FUT9: variants seen among roughly 807,000 people sequenced by gnomAD.
FUT9 encodes fucosyltransferase 9.
FUT9 carries 15 observed loss-of-function variants against 29.7 expected under a neutral mutation model. The observed-to-expected ratio is 0.51, with a 90% CI of 0.34 to 0.78. FUT9 has a LOEUF of 0.78. Ranked by LOEUF, FUT9 falls within the 30% of genes least tolerant of loss-of-function variation. The probability of loss-of-function intolerance (pLI) is 0.01; values close to 1 mark genes in which losing one functional copy is unlikely to be tolerated. For synonymous variants in FUT9, 169 were observed against 153.7 expected, an observed-to-expected ratio of 1.10 and a Z score of -0.74; for missense variants, 319 against 425.4, an observed-to-expected ratio of 0.75 and a Z score of 2.20.
chr6:96,204,202 T>G lies in FUT9; in HGVS notation c.1047T>G (p.Ser349=). The part of the protein sequence containing the change: ...DHVKRHQEYK[S]VGNLEKWFWN ...TGAAAAGGCATCAAGAATATAAGTC[T>G]GTTGGTAATTTAGAGAAATGGTTTT... is the stretch of plus-strand genomic sequence containing the variant. The change falls in exon 3 of 3, where the codon TCT becomes TCG. Residue 349 remains serine, a synonymous_variant. Coordinates refer to ENST00000302103, the MANE Select transcript of FUT9 (RefSeq NM_006581.4). 6.9e-7 allele frequency: 1 copy of G among 1,447,378 alleles called. No homozygotes were observed. The highest frequency in any genetic ancestry group is 9.1e-7 in the Non-Finnish European group (1 of 1,096,730). 89.7% of individuals were successfully genotyped at this position (1,447,378 alleles called of 1,614,324 possible).
intron 1 of FUT9, among the ~76,000 whole-genome samples, chr6:96,099,677 G>A (rs762865987): frequency 6.6e-5 from 10 of 152,014 alleles, no homozygotes; most frequent in Admixed American, 1.3e-4. Context: ...ATTTATTAGT[G>A]TATTTAGAAT....
At chr6:96,083,978 C>A (rs1771278775) in intron 1 of FUT9, among the ~76,000 whole-genome samples, 1 of 152,004 alleles carries the variant, frequency 6.6e-6, no homozygotes, top group Admixed American at 6.6e-5. Context: ...AGAAAACATT[C>A]CTTCTCACAT....
At chr6:96,187,796 T>TCTTTCTTA (rs1218175137) in intron 2 of FUT9, among the ~76,000 whole-genome samples, 1 of 152,152 alleles carries the variant, frequency 6.6e-6, no homozygotes, top group African/African-American at 2.4e-5. Context: ...TTACTTACAT[T>TCTTTCTTA]CTTTCTTATC....
At chr6:96,128,430 T>A (rs1772172083) in intron 2 of FUT9, among the ~76,000 whole-genome samples, 1 of 152,220 alleles carries the variant, frequency 6.6e-6, no homozygotes, top group Non-Finnish European at 1.5e-5. Context: ...TTTTGTGGTC[T>A]AATGGGACAC....
intron 2 of FUT9, among the ~76,000 whole-genome samples, chr6:96,146,934 C>T (rs1772578643): frequency 6.6e-6 from 1 of 152,144 alleles, no homozygotes; most frequent in Admixed American, 6.5e-5. Context: ...ATCAAGCTTG[C>T]TTTAGCTCCT....
intron 2 of FUT9, among the ~76,000 whole-genome samples, chr6:96,168,936 T>G (rs553774560): frequency 6.6e-6 from 1 of 152,218 alleles, no homozygotes; most frequent in East Asian, 1.9e-4. Flanking sequence ...TTATCCTACC[T>G]ATCGCAACAG....
At chr6:96,109,123 C>G (rs1771750021) in intron 1 of FUT9, among the ~76,000 whole-genome samples, 1 of 152,196 alleles carries the variant, frequency 6.6e-6, no homozygotes, top group African/African-American at 2.4e-5. Flanking sequence ...TTATCATAAA[C>G]AGCACATAGT....
At chr6:96,069,957 T>TA (rs1184116591) in intron 1 of FUT9, among the ~76,000 whole-genome samples, 4 of 151,096 alleles carry the variant, frequency 2.6e-5, no homozygotes, top group African/African-American at 2.4e-5. Flanking sequence ...AAAACACAGC[T>TA]AAAAAAACAC....
intron 2 of FUT9, among the ~76,000 whole-genome samples, chr6:96,196,691 A>T (rs1036420208): frequency 5.3e-5 from 8 of 152,134 alleles, no homozygotes; most frequent in African/African-American, 1.9e-4. Context: ...CGGCCTGGTG[A>T]CAGAGTGAGA....
chr6:96,131,800 A>G (rs1772249979), intron 2 of FUT9, among the ~76,000 whole-genome samples: 1 of 152,102 alleles, frequency 6.6e-6, no homozygotes, highest in African/African-American at 2.4e-5. Context: ...TATACAACAA[A>G]TTTATTGCCT....
At chr6:96,192,934 C>G (rs1356041138) in intron 2 of FUT9, among the ~76,000 whole-genome samples, 4 of 151,730 alleles carry the variant, frequency 2.6e-5, no homozygotes, top group African/African-American at 4.8e-5. Flanking sequence ...ACAAACCTGA[C>G]AAAAACAAGC....
At chr6:96,179,568 A>G (rs1345116362) in intron 2 of FUT9, among the ~76,000 whole-genome samples, 1 of 152,202 alleles carries the variant, frequency 6.6e-6, no homozygotes, top group Non-Finnish European at 1.5e-5. Context: ...TAAGAGGGAT[A>G]CTATTCAAAA....
chr6:96,101,114 A>G (rs1218960718), intron 1 of FUT9, among the ~76,000 whole-genome samples: 2 of 152,232 alleles, frequency 1.3e-5, no homozygotes, highest in Non-Finnish European at 2.9e-5. Flanking sequence ...TCTGCAAAGA[A>G]TTCTAAATTT....
chr6:96,090,729 T>G (rs1443066627), intron 1 of FUT9, among the ~76,000 whole-genome samples: 1 of 151,722 alleles, frequency 6.6e-6, no homozygotes, highest in Non-Finnish European at 1.5e-5. Flanking sequence ...AATAGACAAT[T>G]ATTAAAAAAA....
intron 1 of FUT9, among the ~76,000 whole-genome samples, chr6:96,091,357 G>C (rs958657804): frequency 6.6e-6 from 1 of 151,880 alleles, no homozygotes; most frequent in Non-Finnish European, 1.5e-5. Context: ...ACCAAAGGAA[G>C]GAAGAACTCA....
intron 2 of FUT9, among the ~76,000 whole-genome samples, chr6:96,125,062 A>G (rs1219267634): frequency 6.6e-6 from 1 of 152,210 alleles, no homozygotes; most frequent in Non-Finnish European, 1.5e-5. Context: ...GTAATCTTAC[A>G]TGAGTAATTT....
intron 1 of FUT9, among the ~76,000 whole-genome samples, chr6:96,070,219 T>C (rs1363562243): frequency 2.0e-5 from 3 of 152,196 alleles, no homozygotes; most frequent in Non-Finnish European, 4.4e-5. Context: ...ATGTTTACAT[T>C]CTTTGTCCCA....
At chr6:96,178,674 T>G (rs1289576412) in intron 2 of FUT9, among the ~76,000 whole-genome samples, 1 of 152,184 alleles carries the variant, frequency 6.6e-6, no homozygotes, top group Non-Finnish European at 1.5e-5. Flanking sequence ...TAATCCATCA[T>G]TTTTAGAATT....
chr6:96,066,255 A>G lies in FUT9; in HGVS notation c.-97-47784A>G, dbSNP rs182631950. ...TTTGCTTATTCTCATCTGTTTCTTT[A>G]AAGTGATTTAGTATGGTTCACATTA... On this transcript the variant is annotated intron_variant, in intron 1 of 2. Transcript: ENST00000302103. Among the ~76,000 whole-genome samples, 3 of 152,198 alleles carry G rather than the reference A, an allele frequency of 2.0e-5. No individual in the cohort carries two copies. In the East Asian group the frequency reaches 5.8e-4, roughly 29 times the overall value.
Sources: allele counts gnomAD v4.1 joint callset (sites outside exome capture counted in the v4.1 genomes callset), GRCh38; gene constraint gnomAD v4.1.1; transcripts MANE v1.5; gene names NCBI Gene and HGNC (gene_info 2026-07-23, HGNC 2026-07-21).